Variants in SH2D3C observed in about 807,000 individuals in gnomAD.
SH2D3C encodes the protein SH2 domain containing 3C, also known as SH2 domain-containing protein 3C.
A neutral mutation model predicts 75.2 loss-of-function variants in SH2D3C; 25 were observed. That is an observed-to-expected ratio of 0.33 (90% confidence interval 0.24 to 0.46). SH2D3C has a LOEUF of 0.46. Among genes scored for constraint, SH2D3C ranks in the 20% least tolerant of loss-of-function variants. The pLI is 1.00. For synonymous variants in SH2D3C, 450 were observed against 473.7 expected, an observed-to-expected ratio of 0.95 and a Z score of 0.65; for missense variants, 933 against 1,165.3, an observed-to-expected ratio of 0.80 and a Z score of 2.90.
At position 127,751,431 on chromosome 9, in the gene SH2D3C, C is replaced by A. The variant is rs577389773; in HGVS notation, c.556-131G>T. The A allele has an allele frequency of 1.3e-5, 11 of 850,086 alleles. No homozygotes were observed. Among genetic ancestry groups the A allele is most frequent in the African/African-American group, 6.8e-5 (4 of 59,232 alleles). 52.7% of individuals were successfully genotyped at this position (850,086 alleles called of 1,614,324 possible). A position where few individuals can be genotyped will look rare whatever the true frequency, so the allele number is the denominator to read the frequency against. On this transcript the variant is annotated intron_variant, in intron 3 of 11. Coordinates refer to ENST00000314830, the MANE Select transcript of SH2D3C (RefSeq NM_170600.3). This position sits in a 1 kb window ranked among gnomAD's most constrained non-coding sequence, Gnocchi z 4.1. ...GGAACACTAAGGCACAGGTGCCAGA[C>A]CCTTTCCCATGGGTCCCAGAAAGAG...
intron 1 of SH2D3C, among the ~76,000 whole-genome samples, chr9:127,778,212 T>G (rs1316286037): frequency 1.3e-5 from 2 of 149,810 alleles, no homozygotes; most frequent in African/African-American, 5.0e-5. Context: ...GGTCTCGAAC[T>G]CCTGACCTCA....
chr9:127,740,210 C>T, intron 10 of SH2D3C, 48 bp downstream of exon 10: 4 of 1,521,362 alleles, frequency 2.6e-6, no homozygotes, highest in East Asian at 2.3e-5. Flanking sequence ...GTCTTTGCAA[C>T]CCCAGGGAGG....
chr9:127,775,859 C>T (rs1049518405), intron 1 of SH2D3C, among the ~76,000 whole-genome samples: 1 of 151,926 alleles, frequency 6.6e-6, no homozygotes, highest in Non-Finnish European at 1.5e-5. Context: ...GACAGAGTCT[C>T]GCTCTGTCAC....
Position 127,739,716 on chromosome 9 carries a change from G to A in SH2D3C, c.2373C>T (p.Gly791=), listed in dbSNP as rs200159203. The change falls in exon 11 of 12, where the codon GGC becomes GGT. Residue 791 remains glycine, a synonymous_variant. Coordinates refer to ENST00000314830, the MANE Select transcript of SH2D3C (RefSeq NM_170600.3). This position sits in a 1 kb window ranked among gnomAD's most constrained non-coding sequence, Gnocchi z 4.3. Reference sequence around the variant, plus strand: ...TGACTTCAGCATTGGTGTGGTACAGGCCTCCGTGGTGTGCCACTGTGCGGG... The same window carrying A: ...TGACTTCAGCATTGGTGTGGTACAGACCTCCGTGGTGTGCCACTGTGCGGG... ...EAARTVAHHG[G]LYHTNAEVKL... The A allele has an allele frequency of 6.2e-7, 1 of 1,610,848 alleles. No homozygotes were observed. The highest frequency in any genetic ancestry group is 8.5e-7 in the Non-Finnish European group (1 of 1,179,682).
chr9:127,755,072 C>A, intron 3 of SH2D3C: 1 of 1,198,410 alleles, frequency 8.3e-7, no homozygotes, highest in Non-Finnish European at 1.0e-6. Flanking sequence ...CCGAGCCGCC[C>A]CCTCACCTGC....
intron 7 of SH2D3C, among the ~76,000 whole-genome samples, chr9:127,744,072 CTTT>C (rs34636940): frequency 1.7e-5 from 2 of 114,556 alleles, no homozygotes. Flanking sequence ...ATCTTATGTG[CTTT>C]TTTTTTTTTT....
In SH2D3C at chr9:127,744,896, G is replaced by C. The variant is rs2233511; in HGVS notation, c.1468C>G (p.Pro490Ala). 2 of 1,612,144 alleles carry C rather than the reference G, an allele frequency of 1.2e-6. No individual in the cohort carries two copies. The highest frequency in any genetic ancestry group is 1.1e-5 in the South Asian group (1 of 90,936). Reference protein sequence around the residue: ...PSPSLSSYSDPDSGHYCQLQP... With the variant: ...PSPSLSSYSDADSGHYCQLQP... Reference sequence around the variant, plus strand: ...AGCTGGCAGTAGTGGCCAGAGTCCGGGTCACTGTAGCTGCTGAGTGATGGT... The same window carrying C: ...AGCTGGCAGTAGTGGCCAGAGTCCGCGTCACTGTAGCTGCTGAGTGATGGT... Residue 490 changes from proline (P) to alanine (A), a missense_variant, in exon 7 of 12, where the codon CCG (proline) becomes GCG (alanine). By Grantham distance (27) the Pro-to-Ala change is conservative. Coordinates refer to ENST00000314830, the MANE Select transcript of SH2D3C (RefSeq NM_170600.3).
intron 3 of SH2D3C, chr9:127,755,031 G>A (rs1845330732): frequency 1.1e-6 from 1 of 947,406 alleles, no homozygotes. Flanking sequence ...CGGAGCGGCC[G>A]GGGGTCCCAG....
chr9:127,749,089 T>C lies in SH2D3C; in HGVS notation c.1139+122A>G. On this transcript the variant is annotated intron_variant, in intron 5 of 11. Coordinates refer to ENST00000314830, the MANE Select transcript of SH2D3C (RefSeq NM_170600.3). The surrounding 1 kb of genome is among the most constrained non-coding windows in gnomAD (Gnocchi z 5.9). ...TATGGCCCAACCTTCCTCCCATTCC[T>C]CCCTGCACACAGAGGCTCCAGGAGA... 1.3e-6 allele frequency: 1 copy of C among 782,584 alleles called. No individual in the cohort carries two copies. The highest frequency in any genetic ancestry group is 2.0e-6 in the Non-Finnish European group (1 of 487,970). The allele number at this position is 782,584 out of a possible 1,614,324, so 48.5% of individuals were successfully genotyped here. A position where few individuals can be genotyped will look rare whatever the true frequency, so the allele number is the denominator to read the frequency against.
chr9:127,741,346 T>C (rs758502096), intron 9 of SH2D3C, among the ~76,000 whole-genome samples: 33 of 151,704 alleles, frequency 2.2e-4, no homozygotes, highest in Non-Finnish European at 4.4e-4. Context: ...GTTCAAGCGA[T>C]TCTCCTGCCT....
At chr9:127,771,510 C>T (rs1017308525) in intron 2 of SH2D3C, 1 of 547,854 alleles carries the variant, frequency 1.8e-6, no homozygotes, top group Non-Finnish European at 2.8e-6. Context: ...GCCTCGCCCC[C>T]TAGCACACCC....
At chr9:127,742,790 G>C (rs1844902425) in intron 8 of SH2D3C, 59 bp downstream of exon 8, 2 of 1,363,266 alleles carry the variant, frequency 1.5e-6, no homozygotes, top group Non-Finnish European at 2.0e-6. Flanking sequence ...GCCCCGTCCA[G>C]CGGGGAGTGC....
chr9:127,771,071 G>C (rs1845727093), intron 2 of SH2D3C: 4 of 748,238 alleles, frequency 5.3e-6, no homozygotes, highest in Non-Finnish European at 8.3e-6. Context: ...GCTTAGAAAA[G>C]TCCCTGATGC....
At chr9:127,757,459 C>G (rs907602746) in intron 3 of SH2D3C, among the ~76,000 whole-genome samples, 1 of 150,250 alleles carries the variant, frequency 6.7e-6, no homozygotes, top group Non-Finnish European at 1.5e-5. Context: ...AAGACATGGT[C>G]TCACTCTGTC....
In SH2D3C at chr9:127,751,102, C is replaced by T; in HGVS notation, c.684+70G>A. The stretch of plus-strand genomic sequence containing the variant: ...TCAGAGCCTCCCAGGTGGCTGCAGC[C>T]AGGGCTGGGGCTGGCCAAGGCAGTG... On this transcript the variant is annotated intron_variant, in intron 4 of 11. Transcript: ENST00000314830. The surrounding 1 kb of genome is among the most constrained non-coding windows in gnomAD (Gnocchi z 4.1). The T allele has an allele frequency of 6.5e-7, 1 of 1,543,636 alleles. No homozygotes were observed. The highest frequency in any genetic ancestry group is 2.3e-4 in the Middle Eastern group (1 of 4,338).
chr9:127,747,062 G>A lies in SH2D3C; in HGVS notation c.1264+85C>T, dbSNP rs2233506. On this transcript the variant is annotated intron_variant, in intron 6 of 11. Coordinates refer to ENST00000314830, the MANE Select transcript of SH2D3C (RefSeq NM_170600.3). The stretch of plus-strand genomic sequence containing the variant: ...AAAGGTCGCGCCTCATAAAAGAGGC[G>A]GAAACACACATAACCACACATAGGT... 3,325 of 1,434,484 alleles carry A rather than the reference G, an allele frequency of 2.3e-3. 64 individuals carry two copies. In the East Asian group the frequency reaches 0.049, roughly 21 times the overall value. The allele number at this position is 1,434,484 out of a possible 1,614,324, so 88.9% of individuals were successfully genotyped here.
rs1845327718 is a variant in SH2D3C, at chr9:127,754,986, A to G, written c.556-3686T>C. On this transcript the variant is annotated intron_variant, in intron 3 of 11. Transcript: ENST00000314830. The surrounding 1 kb of genome is among the most constrained non-coding windows in gnomAD (Gnocchi z 4.4). Reference sequence around the variant, plus strand: ...AGCCCGACCCTGCCGGGCGCCGCTGAGCTGCAGCTCCCCGGCTGGCTCTAG... The same window carrying G: ...AGCCCGACCCTGCCGGGCGCCGCTGGGCTGCAGCTCCCCGGCTGGCTCTAG... 1 of 550,700 alleles carries G rather than the reference A, an allele frequency of 1.8e-6. No homozygotes were observed. The highest frequency in any genetic ancestry group is 2.6e-6 in the Non-Finnish European group (1 of 380,460). The allele number at this position is 550,700 out of a possible 1,614,324, so 34.1% of individuals were successfully genotyped here.
intron 2 of SH2D3C, chr9:127,762,304 T>A (rs1404809545): frequency 7.8e-7 from 1 of 1,287,122 alleles, no homozygotes; most frequent in Non-Finnish European, 1.0e-6. Context: ...CGTGAACCAC[T>A]CCCCCCACCG....
chr9:127,749,294 G>A lies in SH2D3C; in HGVS notation c.1056C>T (p.Gly352=), dbSNP rs1845125580. 6.2e-7 allele frequency: 1 copy of A among 1,609,402 alleles called. No individual in the cohort carries two copies. The highest frequency in any genetic ancestry group is 1.3e-5 in the African/African-American group (1 of 75,010). ...TGACGCTGCGCCGCTTCATGTGGCT[G>A]CCCTTGGGGCCTGAGGGGCTGACGG... ...ASPVSPSGPK[G]SHMKRRSVTM... Residue 352 remains glycine, a synonymous_variant, in exon 5 of 12, where the codon GGC becomes GGT. Transcript: ENST00000314830. This position sits in a 1 kb window ranked among gnomAD's most constrained non-coding sequence, Gnocchi z 5.9.
Sources: gnomAD v4.1 joint callset for allele counts (sites outside exome capture counted in the v4.1 genomes callset) on GRCh38, gnomAD v4.1.1 for gene constraint, Gnocchi (gnomAD v3.1) non-coding constraint, MANE v1.5 for transcripts, NCBI Gene and HGNC (gene_info 2026-07-23, HGNC 2026-07-21) for gene names.